ZNF540: variants seen among roughly 807,000 people sequenced by gnomAD.
ZNF540 encodes zinc finger protein 540.
ZNF540 carries 3 observed loss-of-function variants against 11.8 expected under a neutral mutation model. The ratio of observed to expected loss-of-function variants is 0.25; its 90% CI spans 0.12 to 0.65. The LOEUF is 0.65. Among genes scored for constraint, ZNF540 ranks in the 30% least tolerant of loss-of-function variants. ZNF540 has a pLI of 0.83. For synonymous variants in ZNF540, 247 were observed against 259.0 expected, an observed-to-expected ratio of 0.95 and a Z score of 0.45; for missense variants, 709 against 793.1, an observed-to-expected ratio of 0.89 and a Z score of 1.27.
At chr19:37,594,295 A>T (rs904983281), upstream of ZNF540, 7 of 152,294 alleles carry the variant, frequency 4.6e-5, no homozygotes, top group African/African-American at 7.2e-5. Flanking sequence ...CACGAGGAGT[A>T]CTGCGGCCCG....
At chr19:37,588,099 C>CAAAAAAAAAAAAA (rs58516591) in intron 1 of ZNF540, among the ~76,000 whole-genome samples, 1 of 45,746 alleles carries the variant, frequency 2.2e-5, no homozygotes, top group Non-Finnish European at 3.8e-5. Context: ...GACTCCATCT[C>CAAAAAAAAAAAAA]AAAAAAAAAA....
chr19:37,599,694 C>T lies in ZNF540; in HGVS notation c.78C>T (p.Thr26=). 6.2e-7 allele frequency: 1 copy of T among 1,613,188 alleles called. No individual in the cohort carries two copies. The highest frequency in any genetic ancestry group is 1.3e-5 in the African/African-American group (1 of 74,934). Residue 26 remains threonine (T), a synonymous_variant, in exon 3 of 5, where the codon ACC becomes ACT. Transcript: ENST00000316433. ...SQKEWECLDT[T]QRKLYRDVML... ...AGGAATGGGAGTGCCTGGACACTACCCAGAGGAAATTGTACAGAGATGTGA... is the reference window on the plus strand; with the variant it reads ...AGGAATGGGAGTGCCTGGACACTACTCAGAGGAAATTGTACAGAGATGTGA...
intron 1 of ZNF540, among the ~76,000 whole-genome samples, chr19:37,582,786 A>G (rs1309369656): frequency 6.6e-6 from 1 of 152,130 alleles, no homozygotes; most frequent in Non-Finnish European, 1.5e-5. Context: ...TCACCTCCAC[A>G]TATTAAACCC....
At chr19:37,575,060 A>T (rs1253885225) in intron 1 of ZNF540, among the ~76,000 whole-genome samples, 2 of 152,184 alleles carry the variant, frequency 1.3e-5, no homozygotes, top group Admixed American at 6.5e-5. Context: ...AACAAACCTA[A>T]CAATACAACA....
chr19:37,611,713 G>A lies in ZNF540; in HGVS notation c.433G>A (p.Val145Ile), dbSNP rs778084475. ...AAGATCTATCAGTCAAAAGAAAATC[G>A]TCTCTAAAAAAATGTCAACTGATAG... The part of the protein sequence containing the change: ...KERSISQKKI[V>I]SKKMSTDRKR... Residue 145 changes from valine (V) to isoleucine (I), a missense_variant, in exon 5 of 5, where the codon GTC becomes ATC. Coordinates refer to ENST00000316433, the MANE Select transcript of ZNF540 (RefSeq NM_001172225.3). The A allele has an allele frequency of 3.4e-5, 55 of 1,613,684 alleles. No individual in the cohort carries two copies. The highest frequency in any genetic ancestry group is 1.7e-4 in the Middle Eastern group (1 of 6,040).
chr19:37,587,708 A>C (rs1478182296), intron 1 of ZNF540, among the ~76,000 whole-genome samples: 1 of 152,134 alleles, frequency 6.6e-6, no homozygotes, highest in African/African-American at 2.4e-5. Flanking sequence ...AAATAATTTA[A>C]GTAAGATTTT....
chr19:37,612,975 G>A lies in ZNF540; in HGVS notation c.1695G>A (p.Gln565=). ...ECGKSFSRRG[Q]FTEHQKIHTG... ...GGAAGTCCTTTAGTCGGCGTGGGCAGTTCACTGAACATCAGAAAATTCATA... is the reference window on the plus strand; with the variant it reads ...GGAAGTCCTTTAGTCGGCGTGGGCAATTCACTGAACATCAGAAAATTCATA... The change falls in exon 5 of 5, where the codon CAG becomes CAA. Residue 565 remains glutamine, a synonymous_variant. Transcript: ENST00000316433. 1 of 1,614,088 alleles carries A rather than the reference G, an allele frequency of 6.2e-7. No individual in the cohort carries two copies. The highest frequency in any genetic ancestry group is 8.5e-7 in the Non-Finnish European group (1 of 1,180,014).
intron 1 of ZNF540, among the ~76,000 whole-genome samples, chr19:37,596,626 A>G (rs1022111690): frequency 6.6e-6 from 1 of 152,190 alleles, no homozygotes; most frequent in Non-Finnish European, 1.5e-5. Context: ...GTCTGCATAT[A>G]TCCTAGTGAA....
upstream of ZNF540, among the ~76,000 whole-genome samples, chr19:37,592,429 T>C (rs1372146596): frequency 6.6e-6 from 1 of 152,218 alleles, no homozygotes; most frequent in Non-Finnish European, 1.5e-5. Flanking sequence ...ACTGTATATA[T>C]GTTTATGTAC....
In ZNF540 at chr19:37,612,886, G is replaced by A; in HGVS notation, c.1606G>A (p.Gly536Arg). The A allele has an allele frequency of 6.2e-7, 1 of 1,613,966 alleles. No homozygotes were observed. Among genetic ancestry groups the A allele is most frequent in the Non-Finnish European group, 8.5e-7 (1 of 1,179,976 alleles). ...ATGTGGAAAGGCCTTTATTCGTAGA[G>A]GGAATCTTAAAGAACATCTGAAAAT... is the stretch of plus-strand genomic sequence containing the variant. ...KECGKAFIRRGNLKEHLKIHS... is the reference protein window; with the variant it reads ...KECGKAFIRRRNLKEHLKIHS... Residue 536 changes from glycine to arginine, a missense_variant, in exon 5 of 5, where the codon GGG becomes AGG. Transcript: ENST00000316433.
chr19:37,601,796 G>A (rs2044041413), intron 4 of ZNF540, among the ~76,000 whole-genome samples: 1 of 152,180 alleles, frequency 6.6e-6, no homozygotes, highest in Non-Finnish European at 1.5e-5. Context: ...AGTGAGCTTT[G>A]TGTGTTTGAA....
chr19:37,611,366 A>C, intron 4 of ZNF540, 147 bp from the exon 5 acceptor site: 1 of 629,520 alleles, frequency 1.6e-6, no homozygotes, highest in Non-Finnish European at 2.6e-6. Context: ...CCTAATTTCA[A>C]ATTATATAAC....
At chr19:37,567,955 T>C (rs771567271) in intron 1 of ZNF540, among the ~76,000 whole-genome samples, 6 of 152,196 alleles carry the variant, frequency 3.9e-5, no homozygotes, top group Non-Finnish European at 8.8e-5. Context: ...ATGTCTTACT[T>C]TCCAATATTT....
chr19:37,601,041 C>T lies in ZNF540; in HGVS notation c.168C>T (p.Thr56=), dbSNP rs139093102. 6.3e-7 allele frequency: 1 copy of T among 1,590,952 alleles called. No individual in the cohort carries two copies. ...CTGGCTCAAAGCCAGATGTGATTAC[C>T]TTACTGGAGCAAGGGAAAGAGCCCT... ...GYSGSKPDVI[T]LLEQGKEPCV... is the part of the protein sequence containing the mutation. The change falls in exon 4 of 5, where the codon ACC becomes ACT. Residue 56 remains threonine (T), a synonymous_variant. Transcript: ENST00000316433.
chr19:37,604,581 A>C (rs1461304672), intron 4 of ZNF540, among the ~76,000 whole-genome samples: 2 of 152,030 alleles, frequency 1.3e-5, no homozygotes, highest in Non-Finnish European at 2.9e-5. Context: ...TGCTGGGATT[A>C]CAGGCATGAG....
intron 1 of ZNF540, among the ~76,000 whole-genome samples, chr19:37,574,107 C>T (rs533189308): frequency 2.0e-5 from 3 of 152,224 alleles, no homozygotes; most frequent in African/African-American, 7.2e-5. Flanking sequence ...GAAAAATATT[C>T]TAGAAAACTA....
chr19:37,553,080 C>CAT (rs1491505111), intron 1 of ZNF540, among the ~76,000 whole-genome samples: 1 of 68,096 alleles, frequency 1.5e-5, no homozygotes, highest in Non-Finnish European at 3.5e-5. Flanking sequence ...TCCGAGTCTT[C>CAT]ATATTTTAAT....
At chr19:37,557,882 G>A (rs1290491714) in intron 1 of ZNF540, among the ~76,000 whole-genome samples, 1 of 151,178 alleles carries the variant, frequency 6.6e-6, no homozygotes, top group Non-Finnish European at 1.5e-5. Context: ...TAGGCTTGCT[G>A]TAGCGGCTAC....
chr19:37,555,860 G>C (rs551620841), intron 1 of ZNF540: 2 of 699,610 alleles, frequency 2.9e-6, no homozygotes, highest in African/African-American at 3.5e-5. Context: ...ATTTTTTCTA[G>C]TACATAATTT....
Sources: allele counts gnomAD v4.1 joint callset (sites outside exome capture counted in the v4.1 genomes callset), GRCh38; gene constraint gnomAD v4.1.1; transcripts MANE v1.5; gene names NCBI Gene and HGNC (gene_info 2026-07-23, HGNC 2026-07-21).